Variants in LRPAP1 observed in about 807,000 individuals in gnomAD.
LRPAP1 encodes LDL receptor related protein associated protein 1.
Under a neutral mutation model 39.9 loss-of-function variants are expected in LRPAP1, and 41 were observed. That is an observed-to-expected ratio of 1.03 (90% CI 0.80 to 1.33). The LOEUF (loss-of-function observed/expected upper bound fraction) is 1.33, where lower values mean the gene tolerates loss of function less well. LRPAP1 is among the 40% of genes most tolerant of loss of function. LRPAP1 has a pLI of 0.00. For synonymous variants in LRPAP1, 263 were observed against 212.7 expected (o/e 1.24, Z -2.06); for missense variants, 565 against 482.3 (o/e 1.17, Z -1.61).
At chr4:3,515,985 G>T (rs1729681855) in intron 6 of LRPAP1, 131 bp downstream of exon 6, 1 of 878,272 alleles carries the variant, frequency 1.1e-6, no homozygotes. Context: ...TTCACCGAGT[G>T]GTTAAGGAAG....
At position 3,505,840 on chromosome 4, in the gene LRPAP1, T is replaced by C. The variant is rs143086286; in HGVS notation, c.*7134A>G. ...AGCTGGAAGCCATCAAGTTCCTGGG[T>C]AGAGATGACCTTTCAGATGGATGCT... On this transcript the variant is annotated 3_prime_UTR_variant, in exon 8 of 8. Coordinates refer to ENST00000650182, the MANE Select transcript of LRPAP1 (RefSeq NM_002337.4). Among the ~76,000 whole-genome samples the C allele has an allele frequency of 2.7e-3, 411 of 152,236 alleles. 2 individuals are homozygous for C. The highest frequency in any genetic ancestry group is 9.6e-3 in the African/African-American group (397 of 41,538).
chr4:3,520,302 C>T, intron 2 of LRPAP1, 109 bp from the exon 3 acceptor site: 1 of 1,172,544 alleles, frequency 8.5e-7, no homozygotes, highest in South Asian at 1.4e-5. Context: ...TCTCATTTTC[C>T]AGTAGTTTCC....
chr4:3,509,870 C>A lies in LRPAP1; in HGVS notation c.*3104G>T, dbSNP rs185142391. The A allele has an allele frequency of 5.3e-5, 8 of 151,932 alleles. No individual in the cohort carries two copies. Among genetic ancestry groups the A allele is most frequent in the Non-Finnish European group, 7.4e-5 (5 of 68,016 alleles). 9.4% of individuals were successfully genotyped at this position (151,932 alleles called of 1,614,324 possible). A position where few individuals can be genotyped will look rare whatever the true frequency, so the allele number is the denominator to read the frequency against. ...CTGGAGTCACACACGGCAGTCAACG[C>A]GTGGACACTGGAGACTGTTAAGACA... On this transcript the variant is annotated 3_prime_UTR_variant, in exon 8 of 8. Coordinates refer to ENST00000650182, the MANE Select transcript of LRPAP1 (RefSeq NM_002337.4).
chr4:3,530,193 A>AC (rs1417363697), intron 1 of LRPAP1, among the ~76,000 whole-genome samples: 1 of 152,178 alleles, frequency 6.6e-6, no homozygotes, highest in East Asian at 1.9e-4. Context: ...CGCTCGGCAG[A>AC]AAGAGCCACA....
intron 7 of LRPAP1, among the ~76,000 whole-genome samples, chr4:3,514,478 C>T (rs1729629430): frequency 6.6e-6 from 1 of 152,198 alleles, no homozygotes; most frequent in Non-Finnish European, 1.5e-5. Flanking sequence ...CACGCCCCAT[C>T]CTGGTCACAG....
chr4:3,521,470 C>G (rs1577208135), intron 2 of LRPAP1, among the ~76,000 whole-genome samples: 2 of 152,194 alleles, frequency 1.3e-5, no homozygotes, highest in African/African-American at 4.8e-5. Context: ...CGCACCTCTC[C>G]CAAAGGTCCA....
chr4:3,511,638 T>C lies in LRPAP1; in HGVS notation c.*1336A>G, dbSNP rs1421767002. 1 of 152,316 alleles carries C rather than the reference T, an allele frequency of 6.6e-6. No homozygotes were observed. The allele number at this position is 152,316 out of a possible 1,614,324, so 9.4% of individuals were successfully genotyped here. On this transcript the variant is annotated 3_prime_UTR_variant, in exon 8 of 8. Transcript: ENST00000650182. ...CTCAGAAATGATAGCTTAGCGGATG[T>C]TTGGCAGATCTCAACAGTCAAGCCA...
At chr4:3,516,953 G>A (rs1622883) in intron 5 of LRPAP1, among the ~76,000 whole-genome samples, 43,567 of 152,148 alleles carry the variant, frequency 0.29, 6,642 homozygotes, top group South Asian at 0.44. Flanking sequence ...AACTGCCTTG[G>A]GGACAGCCCG....
At chr4:3,516,233 C>T (rs1264600083) in intron 5 of LRPAP1, 35 bp from the exon 6 acceptor site, 1 of 1,520,812 alleles carries the variant, frequency 6.6e-7, no homozygotes, top group Admixed American at 2.0e-5. Context: ...CTCAGCAGCA[C>T]CCGGGGTGCA....
At chr4:3,517,988 A>AGACG (rs769677000) in intron 5 of LRPAP1, 46 bp downstream of exon 5, 4 of 1,548,212 alleles carry the variant, frequency 2.6e-6, no homozygotes, top group Non-Finnish European at 3.5e-6. Flanking sequence ...ACACAACCAG[A>AGACG]GACGGCCCCA....
intron 1 of LRPAP1, among the ~76,000 whole-genome samples, chr4:3,526,227 C>A (rs1730075476): frequency 6.6e-6 from 1 of 151,918 alleles, no homozygotes; most frequent in African/African-American, 2.4e-5. Context: ...GGAGGGTCCC[C>A]TTCCCTGAGC....
Position 3,512,123 on chromosome 4 carries a change from C to T in LRPAP1, c.*851G>A, listed in dbSNP as rs895288150. The T allele has an allele frequency of 3.9e-5, 6 of 152,360 alleles. No homozygotes were observed. The highest frequency in any genetic ancestry group is 4.4e-5 in the Non-Finnish European group (3 of 68,160). The allele number at this position is 152,360 out of a possible 1,614,324, so 9.4% of individuals were successfully genotyped here. ...AACCACGCCTGGAGCCAGACCCGAG[C>T]CTCTTCCAGGCTCAGACACAGGAAC... On this transcript the variant is annotated 3_prime_UTR_variant, in exon 8 of 8. Transcript: ENST00000650182.
chr4:3,512,998 G>A lies in LRPAP1; in HGVS notation c.1050C>T (p.Ser350=). Residue 350 remains serine (S), a synonymous_variant, in exon 8 of 8, where the codon TCC becomes TCT. Transcript: ENST00000650182. ...KHLQDLSGRI[S]RARHNEL ...TTCAGAGTTCGTTGTGCCGAGCTCT[G>A]GAGATCCTGCCGGACAGGTCCTGCA... The A allele has an allele frequency of 6.2e-7, 1 of 1,612,692 alleles. No individual in the cohort carries two copies. The highest frequency in any genetic ancestry group is 8.5e-7 in the Non-Finnish European group (1 of 1,179,494).
At chr4:3,515,419 C>T (rs1729661376) in intron 6 of LRPAP1, among the ~76,000 whole-genome samples, 2 of 152,326 alleles carry the variant, frequency 1.3e-5, no homozygotes, top group South Asian at 4.1e-4. Context: ...AGCTAAGGTG[C>T]CCCAGCCCCA....
At chr4:3,520,853 G>A (rs2108691874) in intron 2 of LRPAP1, among the ~76,000 whole-genome samples, 1 of 152,340 alleles carries the variant, frequency 6.6e-6, no homozygotes, top group Non-Finnish European at 1.5e-5. Flanking sequence ...CTGCCCACGT[G>A]GTGCTCCCCT....
intron 2 of LRPAP1, among the ~76,000 whole-genome samples, chr4:3,521,526 A>G (rs1303271587): frequency 6.6e-6 from 1 of 152,068 alleles, no homozygotes; most frequent in Non-Finnish European, 1.5e-5. Context: ...CTCGAGGGAC[A>G]CCCTGAAAGC....
chr4:3,524,904 T>C lies in LRPAP1; in HGVS notation c.349+3A>G. 6.2e-7 allele frequency: 1 copy of C among 1,614,062 alleles called. No homozygotes were observed. Among genetic ancestry groups the C allele is most frequent in the Non-Finnish European group, 8.5e-7 (1 of 1,179,914 alleles). ...ACCTGCATTAGGAAAGAAACAAACG[T>C]ACCATTGAGGTTGCGTATGAGTCTC... On this transcript the variant is annotated splice_donor_region_variant and intron_variant, in intron 2 of 7. Transcript: ENST00000650182.
chr4:3,531,449 T>C (rs1043094243), intron 1 of LRPAP1, among the ~76,000 whole-genome samples: 2 of 152,224 alleles, frequency 1.3e-5, no homozygotes, highest in African/African-American at 2.4e-5. Flanking sequence ...ATGGTCGGCA[T>C]AGTTCGAAAA....
rs1480539226 is a variant in LRPAP1 at position 3,507,544 on chromosome 4, A to C, written c.*5430T>G. ...GGTCCTAGTACCTCGTCCATTTTTA[A>C]AAGATTCCATGCGTGCTTAAGAATG... On this transcript the variant is annotated 3_prime_UTR_variant, in exon 8 of 8. Transcript: ENST00000650182. 6.6e-6 allele frequency: 1 copy of C among 152,248 alleles called. No homozygotes were observed. The highest frequency in any genetic ancestry group is 1.5e-5 in the Non-Finnish European group (1 of 68,050). The allele number at this position is 152,248 out of a possible 1,614,324, so 9.4% of individuals were successfully genotyped here.
Sources: gnomAD v4.1 joint callset for allele counts (sites outside exome capture counted in the v4.1 genomes callset) on GRCh38, gnomAD v4.1.1 for gene constraint, MANE v1.5 for transcripts, NCBI Gene and HGNC (gene_info 2026-07-23, HGNC 2026-07-21) for gene names.